The following LCOR variants were observed in gnomAD, a reference collection of about 807,000 sequenced individuals.
LCOR encodes ligand dependent nuclear receptor corepressor.
A neutral mutation model predicts 64.4 loss-of-function variants in LCOR; 14 were observed. The ratio of observed to expected loss-of-function variants is 0.22; its 90% CI spans 0.14 to 0.34. The LOEUF is 0.34. Ranked by LOEUF, LCOR falls within the 10% of genes least tolerant of loss-of-function variation. The probability of loss-of-function intolerance (pLI) is 1.00; values close to 1 mark genes in which losing one functional copy is unlikely to be tolerated. For synonymous variants in LCOR, 643 were observed against 642.5 expected, an observed-to-expected ratio of 1.00 and a Z score of -0.01; for missense variants, 1,686 against 1,765.3, an observed-to-expected ratio of 0.96 and a Z score of 0.80.
At chr10:96,885,707 T>A (rs1030984355) in intron 2 of LCOR, among the ~76,000 whole-genome samples, 1 of 151,508 alleles carries the variant, frequency 6.6e-6, no homozygotes, top group Admixed American at 6.6e-5. Flanking sequence ...AATGTTTTTT[T>A]AAAAAGGATT....
At chr10:96,835,101 A>T (rs997667849) in intron 2 of LCOR, among the ~76,000 whole-genome samples, 7 of 152,120 alleles carry the variant, frequency 4.6e-5, no homozygotes, top group Admixed American at 2.0e-4. Context: ...GGGTTTCACC[A>T]TATTGGCCAG....
In LCOR at chr10:96,955,084, G is replaced by A. The variant is rs149629128; in HGVS notation, c.332+2888G>A. On this transcript the variant is annotated intron_variant, in intron 7 of 7. Coordinates refer to ENST00000421806, the MANE Select transcript of LCOR (RefSeq NM_001346516.2). ...ACATCACTCAAAGTTCCACTGGCTC[G>A]ATCCCTGCAGATTAGTGAAGAACTA... 48 of 1,614,072 alleles carry A rather than the reference G, an allele frequency of 3.0e-5. No homozygotes were observed. In the East Asian group the frequency reaches 3.1e-4, roughly 10 times the overall value.
intron 4 of LCOR, among the ~76,000 whole-genome samples, chr10:96,941,185 G>C (rs1323101096): frequency 7.1e-6 from 1 of 140,660 alleles, no homozygotes; most frequent in Admixed American, 6.9e-5. Flanking sequence ...GGCCAGGCGG[G>C]GGGCTGACCC....
Position 96,975,190 on chromosome 10 carries a change from AATACTT to A in LCOR, c.333-5600_333-5595del, listed in dbSNP as rs550606969. 1.3e-3 allele frequency among the ~76,000 whole-genome samples: 197 copies of A among 152,308 alleles called. 5 individuals are homozygous for A. In the South Asian group the frequency reaches 0.039, roughly 30 times the overall value. ...TATCTCAAAATAAAATAATAAAATA[AATACTT>A]ATGTGCTATTAAGAAAAATTCCAGA... On this transcript the variant is annotated intron_variant, in intron 7 of 7. Coordinates refer to ENST00000421806, the MANE Select transcript of LCOR (RefSeq NM_001346516.2).
At chr10:96,929,868 G>A (rs1847227950) in intron 4 of LCOR, among the ~76,000 whole-genome samples, 1 of 152,124 alleles carries the variant, frequency 6.6e-6, no homozygotes, top group South Asian at 2.1e-4. Flanking sequence ...GTGTCTCAGG[G>A]AATAGGAGGT....
intron 7 of LCOR, among the ~76,000 whole-genome samples, chr10:96,970,629 TTTTATTTTATTTTATTTTATTTTA>T (rs1386294952): frequency 6.4e-4 from 74 of 114,860 alleles, no homozygotes; most frequent in South Asian, 2.5e-3. Flanking sequence ...ATTTTATTTA[TTTTATTTTATTTTATTTTATTTTA>T]TTTATTTTAT....
rs115894384 is a variant in LCOR at position 96,880,964 on chromosome 10, T to G, written c.-329-26301T>G. Among the ~76,000 whole-genome samples the G allele has an allele frequency of 3.3e-3, 502 of 152,320 alleles. 3 individuals are homozygous for G. The highest frequency in any genetic ancestry group is 0.012 in the African/African-American group (483 of 41,588). On this transcript the variant is annotated intron_variant, in intron 2 of 7. Transcript: ENST00000421806. Reference sequence around the variant, plus strand: ...TTGAAGATGCATAAGAAAAATAAATTCATTACATACAATGGATGTCTTAGT... The same window carrying G: ...TTGAAGATGCATAAGAAAAATAAATGCATTACATACAATGGATGTCTTAGT...
intron 4 of LCOR, among the ~76,000 whole-genome samples, chr10:96,927,841 AAT>A (rs1473108949): frequency 1.3e-5 from 2 of 152,232 alleles, no homozygotes; most frequent in Admixed American, 1.3e-4. Flanking sequence ...AGACCATCAT[AAT>A]AAAGCGAATG....
At chr10:96,929,341 T>C (rs1847218789) in intron 4 of LCOR, among the ~76,000 whole-genome samples, 1 of 152,246 alleles carries the variant, frequency 6.6e-6, no homozygotes. Context: ...TTGGTGCAGC[T>C]TCTGTATCAG....
At chr10:96,862,940 G>T (rs1318631652) in intron 2 of LCOR, among the ~76,000 whole-genome samples, 1 of 151,162 alleles carries the variant, frequency 6.6e-6, no homozygotes, top group Non-Finnish European at 1.5e-5. Context: ...GAGTGTAGTG[G>T]CATGATCTCA....
In LCOR at chr10:96,983,281, C is replaced by G. The variant is rs140596273; in HGVS notation, c.2821C>G (p.Leu941Val). Residue 941 changes from leucine to valine, a missense_variant, in exon 8 of 8, where the codon CTG becomes GTG. Physicochemically the swap from Leu to Val is conservative, Grantham distance 32 (BLOSUM62 1). This residue lies in a region of LCOR where 1,293 missense variants were observed against 1,410.4 expected (regional missense o/e 0.92). Coordinates refer to ENST00000421806, the MANE Select transcript of LCOR (RefSeq NM_001346516.2). The surrounding 1 kb of genome is among the most constrained non-coding windows in gnomAD (Gnocchi z 4.5). ...CCCCATAACCACAGCTGGACAGCCA[C>G]TGCCTGGAGAGAGATTGGAAATCTA... ...RDPITTAGQP[L>V]PGERLEIYVQ... 5 of 1,614,222 alleles carry G rather than the reference C, an allele frequency of 3.1e-6. No homozygotes were observed. In the Admixed American group the frequency reaches 6.7e-5, roughly 22 times the overall value.
chr10:96,877,642 C>T (rs370215434), intron 2 of LCOR, among the ~76,000 whole-genome samples: 2 of 109,742 alleles, frequency 1.8e-5, no homozygotes, highest in Admixed American at 1.4e-4. Flanking sequence ...GACGGAGTCT[C>T]GCTCTGTCAC....
chr10:96,978,235 G>A (rs948631632), intron 7 of LCOR, among the ~76,000 whole-genome samples: 1 of 152,226 alleles, frequency 6.6e-6, no homozygotes. Context: ...CATTGAGTCG[G>A]AAAGTTGGAA....
At chr10:96,905,896 G>A (rs566670580) in intron 2 of LCOR, among the ~76,000 whole-genome samples, 20 of 152,064 alleles carry the variant, frequency 1.3e-4, no homozygotes, top group Non-Finnish European at 2.8e-4. Context: ...AGAGATTACT[G>A]AAAATTATGG....
intron 7 of LCOR, chr10:96,959,513 ATATCTAG>A (rs1847847580): frequency 6.6e-6 from 1 of 152,204 alleles, no homozygotes; most frequent in South Asian, 2.1e-4. Flanking sequence ...CTGTGGAAGG[ATATCTAG>A]TTGGTATTTT....
chr10:96,960,968 T>G (rs1299817197), intron 7 of LCOR: 4 of 152,144 alleles, frequency 2.6e-5, no homozygotes, highest in Non-Finnish European at 5.9e-5. Context: ...GCAGTCACCT[T>G]TTAAAGAAGC....
chr10:96,873,027 G>A (rs542478436), intron 2 of LCOR, among the ~76,000 whole-genome samples: 12 of 152,144 alleles, frequency 7.9e-5, no homozygotes, highest in Admixed American at 3.9e-4. Flanking sequence ...AACTTTAATT[G>A]CATAGACACA....
Position 96,985,179 on chromosome 10 carries a change from C to A in LCOR, c.*45C>A, listed in dbSNP as rs763028480. ...GAGTAAAACTGTTCTATAGAAGTAA[C>A]CTTTTATTTTGCATTAACTAAATCT... On this transcript the variant is annotated 3_prime_UTR_variant, in exon 8 of 8. Transcript: ENST00000421806. The A allele has an allele frequency of 3.3e-6, 5 of 1,516,012 alleles. No homozygotes were observed. The African/African-American group carries it at 4.2e-5, about 13-fold the overall frequency. The allele number at this position is 1,516,012 out of a possible 1,614,324, so 93.9% of individuals were successfully genotyped here.
At chr10:96,848,035 T>C (rs1845662270) in intron 2 of LCOR, among the ~76,000 whole-genome samples, 1 of 152,260 alleles carries the variant, frequency 6.6e-6, no homozygotes, top group Admixed American at 6.5e-5. Context: ...CAGTATAAAT[T>C]ATTTCTTAAA....
Sources: allele counts gnomAD v4.1 joint callset (sites outside exome capture counted in the v4.1 genomes callset), GRCh38; gene constraint gnomAD v4.1.1; regional missense constraint gnomAD v4.1.1; non-coding constraint Gnocchi (gnomAD v3.1); transcripts MANE v1.5; gene names NCBI Gene and HGNC (gene_info 2026-07-23, HGNC 2026-07-21).